Variants in HMGA2 observed in about 807,000 individuals in gnomAD.
HMGA2 encodes high mobility group protein HMGI-C.
HMGA2 carries 8 observed loss-of-function variants against 19.1 expected under a neutral mutation model. That is an observed-to-expected ratio of 0.42 (90% confidence interval 0.25 to 0.76). The LOEUF (loss-of-function observed/expected upper bound fraction) is 0.76, where lower values mean the gene tolerates loss of function less well. HMGA2 is among the 30% of genes least tolerant of loss of function. HMGA2 has a pLI of 0.28. For missense variants in HMGA2, 109 were observed against 136.3 expected, an observed-to-expected ratio of 0.80 and a Z score of 1.00; for synonymous variants, 60 against 48.8, an observed-to-expected ratio of 1.23 and a Z score of -0.96.
chr12:65,951,084 C>A (rs1054283807), intron 3 of HMGA2, among the ~76,000 whole-genome samples: 5 of 151,996 alleles, frequency 3.3e-5, no homozygotes, highest in Non-Finnish European at 5.9e-5. Context: ...GCAACGCCAC[C>A]ACACCCTGTT....
intron 3 of HMGA2, among the ~76,000 whole-genome samples, chr12:65,890,849 G>C (rs550865730): frequency 2.6e-5 from 4 of 151,844 alleles, no homozygotes; most frequent in African/African-American, 9.7e-5. Flanking sequence ...TCAGCCTCCT[G>C]AGTAGCTGGG....
intron 2 of HMGA2, among the ~76,000 whole-genome samples, chr12:65,835,229 T>C (rs929982169): frequency 2.0e-5 from 3 of 152,200 alleles, no homozygotes; most frequent in Non-Finnish European, 4.4e-5. Flanking sequence ...TTGTCTTTTT[T>C]GAAAAATAAT....
At position 65,827,996 on chromosome 12, in the gene HMGA2, A is replaced by T; in HGVS notation, c.112-5A>T. 1 of 1,608,984 alleles carries T rather than the reference A, an allele frequency of 6.2e-7. No individual in the cohort carries two copies. The highest frequency in any genetic ancestry group is 1.3e-5 in the African/African-American group (1 of 74,888). ...CAACAGCATTTTTTTTTCCCTCACA[A>T]TTAGGAACCAACCGGTGAGCCCTCT... On this transcript the variant is annotated splice_region_variant and splice_polypyrimidine_tract_variant and intron_variant, in intron 1 of 4. Transcript: ENST00000403681.
chr12:65,912,370 G>T (rs1449927057), intron 3 of HMGA2, among the ~76,000 whole-genome samples: 3 of 152,044 alleles, frequency 2.0e-5, no homozygotes, highest in Non-Finnish European at 4.4e-5. Context: ...TTAAATAAAT[G>T]AATGAATATG....
In HMGA2 at chr12:65,921,604, CTA is replaced by C. The variant is rs887705356; in HGVS notation, c.250-29777_250-29776del. ...AAAGTTTGGAAGATTTGCAGCCTGA[CTA>C]TGTGATAGAAAAGAAAAAAATCTCA... On this transcript the variant is annotated intron_variant, in intron 3 of 4. Coordinates refer to ENST00000403681, the MANE Select transcript of HMGA2 (RefSeq NM_003483.6). Among the ~76,000 whole-genome samples the C allele has an allele frequency of 4.9e-3, 535 of 108,264 alleles. 2 individuals are homozygous for C. The highest frequency in any genetic ancestry group is 0.019 in the African/African-American group (504 of 26,540). The allele number at this position is 108,264 out of a possible 152,430, so 71.0% of individuals were successfully genotyped here.
intron 3 of HMGA2, chr12:65,948,588 C>T (rs1362860525): frequency 6.6e-6 from 1 of 152,274 alleles, no homozygotes; most frequent in Non-Finnish European, 1.5e-5. Flanking sequence ...AAAACTTTCT[C>T]GGCACAGTCT....
intron 3 of HMGA2, among the ~76,000 whole-genome samples, chr12:65,928,671 AT>A (rs536482965): frequency 6.6e-6 from 1 of 151,946 alleles, no homozygotes; most frequent in Non-Finnish European, 1.5e-5. Flanking sequence ...GAAAATTTTA[AT>A]TTTTTTTAAT....
intron 3 of HMGA2, among the ~76,000 whole-genome samples, chr12:65,860,946 A>G (rs1369694192): frequency 6.6e-6 from 1 of 152,252 alleles, no homozygotes; most frequent in African/African-American, 2.4e-5. Context: ...ACATAGGCTA[A>G]GCTGAAGCTG....
chr12:65,851,907 C>A (rs1010217674), intron 3 of HMGA2, among the ~76,000 whole-genome samples: 1 of 152,144 alleles, frequency 6.6e-6, no homozygotes, highest in African/African-American at 2.4e-5. Flanking sequence ...GGACAGGTGA[C>A]TTATCCTTGA....
chr12:65,868,083 T>C (rs1237679113), intron 3 of HMGA2, among the ~76,000 whole-genome samples: 1 of 152,210 alleles, frequency 6.6e-6, no homozygotes. Context: ...ATAATCTTTA[T>C]GCATCTGAGA....
At chr12:65,863,706 A>C (rs1872232722) in intron 3 of HMGA2, among the ~76,000 whole-genome samples, 1 of 152,230 alleles carries the variant, frequency 6.6e-6, no homozygotes, top group Admixed American at 6.5e-5. Context: ...TAGGAATACC[A>C]AATCCTGTGC....
chr12:65,893,661 G>C (rs1407959662), intron 3 of HMGA2, among the ~76,000 whole-genome samples: 1 of 152,148 alleles, frequency 6.6e-6, no homozygotes, highest in Admixed American at 6.5e-5. Context: ...TGCATTTCAG[G>C]GGGTGAATGG....
chr12:65,915,017 G>T, intron 3 of HMGA2: 1 of 1,611,516 alleles, frequency 6.2e-7, no homozygotes, highest in South Asian at 1.1e-5. Flanking sequence ...TCTCTTCTGA[G>T]GTATTCATGC....
intron 3 of HMGA2, among the ~76,000 whole-genome samples, chr12:65,840,692 A>G (rs1178823621): frequency 6.6e-6 from 1 of 152,222 alleles, no homozygotes; most frequent in African/African-American, 2.4e-5. Flanking sequence ...TCTAAGCATC[A>G]GAACTCTGAA....
intron 3 of HMGA2, chr12:65,881,649 A>C: frequency 4.5e-6 from 3 of 665,842 alleles, no homozygotes; most frequent in Non-Finnish European, 8.2e-6. Flanking sequence ...GGAGGGAGGG[A>C]GAAAGAGAGA....
intron 3 of HMGA2, among the ~76,000 whole-genome samples, chr12:65,878,232 G>A (rs1025167272): frequency 2.6e-5 from 4 of 152,186 alleles, no homozygotes; most frequent in African/African-American, 9.7e-5. Context: ...TGTAGAATGA[G>A]GATGCATAAA....
At chr12:65,842,253 A>G in intron 3 of HMGA2, 1 of 565,216 alleles carries the variant, frequency 1.8e-6, no homozygotes, top group South Asian at 1.5e-5. Flanking sequence ...CATCTGCAAA[A>G]GGTATATTTC....
chr12:65,876,630 AT>A (rs767689434), intron 3 of HMGA2, among the ~76,000 whole-genome samples: 9 of 152,168 alleles, frequency 5.9e-5, no homozygotes, highest in Non-Finnish European at 1.0e-4. Flanking sequence ...CTGGCCTCTG[AT>A]TTTTGAAAAC....
chr12:65,885,543 T>G (rs1873619541), intron 3 of HMGA2, among the ~76,000 whole-genome samples: 1 of 152,208 alleles, frequency 6.6e-6, no homozygotes, highest in African/African-American at 2.4e-5. Flanking sequence ...TGTGTCTCAT[T>G]TGCTTATTTT....
Sources: gnomAD v4.1 joint callset for allele counts (sites outside exome capture counted in the v4.1 genomes callset) on GRCh38, gnomAD v4.1.1 for gene constraint, MANE v1.5 for transcripts, NCBI Gene and HGNC (gene_info 2026-07-23, HGNC 2026-07-21) for gene names.